The following BICDL1 variants were observed in gnomAD, a reference collection of about 807,000 sequenced individuals.
BICDL1 encodes the protein BICD family-like cargo adapter 1.
In BICDL1, 20 loss-of-function variants were observed where a neutral mutation model predicts 76.8. That is an observed-to-expected ratio of 0.26 (90% confidence interval 0.18 to 0.38). The LOEUF is 0.38. Ranked by LOEUF, BICDL1 falls within the 10% of genes least tolerant of loss-of-function variation. The pLI is 1.00. For missense variants in BICDL1, 700 were observed against 798.6 expected (o/e 0.88, Z 1.49); for synonymous variants, 383 against 337.1 (o/e 1.14, Z -1.49).
Position 120,026,061 on chromosome 12 carries a change from C to A in BICDL1, c.645+27325C>A, listed in dbSNP as rs148395205. The stretch of plus-strand genomic sequence containing the variant: ...CCATGTTGGCCAGGCTGGTCTCGAA[C>A]TCCTGGCCTCAAGCAATCCACCCAC... On this transcript the variant is annotated intron_variant, in intron 2 of 9. Coordinates refer to ENST00000548673, the MANE Select transcript of BICDL1 (RefSeq NM_001367886.1). Among the ~76,000 whole-genome samples the A allele has an allele frequency of 8.0e-3, 1,214 of 152,184 alleles. 17 individuals are homozygous for A. Among genetic ancestry groups the A allele is most frequent in the African/African-American group, 0.027 (1,108 of 41,512 alleles).
Position 120,079,467 on chromosome 12 carries a change from G to A in BICDL1, c.1453-1420G>A, listed in dbSNP as rs539598554. Among the ~76,000 whole-genome samples, 9 of 152,278 alleles carry A rather than the reference G, an allele frequency of 5.9e-5. No homozygotes were observed. The highest frequency in any genetic ancestry group is 3.9e-4 in the East Asian group (2 of 5,180). On this transcript the variant is annotated intron_variant, in intron 7 of 9. Coordinates refer to ENST00000548673, the MANE Select transcript of BICDL1 (RefSeq NM_001367886.1). This position sits in a 1 kb window ranked among gnomAD's most constrained non-coding sequence, Gnocchi z 4.3. ...TATGCTGAAAGGTGGCATTTGTCCC[G>A]TTGTGGGAGGGAGGCAGACCTGTAT...
chr12:120,056,253 A>C (rs1233131344), intron 2 of BICDL1, among the ~76,000 whole-genome samples: 1 of 152,218 alleles, frequency 6.6e-6, no homozygotes, highest in Non-Finnish European at 1.5e-5. Context: ...ACCTGAGTTT[A>C]AAATGGAAAG....
intron 2 of BICDL1, among the ~76,000 whole-genome samples, chr12:120,045,748 A>T (rs1179970052): frequency 1.6e-5 from 2 of 126,872 alleles, no homozygotes; most frequent in Non-Finnish European, 3.2e-5. Flanking sequence ...GAAGGGGAAC[A>T]TCACACTCTG....
At chr12:119,994,164 C>A (rs1951587214) in intron 1 of BICDL1, among the ~76,000 whole-genome samples, 4 of 152,114 alleles carry the variant, frequency 2.6e-5, no homozygotes. Context: ...TCTCTTCCCT[C>A]AGTTATATTT....
At chr12:120,090,129 C>T (rs1874837693) in intron 9 of BICDL1, 58 bp downstream of exon 9, 1 of 1,595,350 alleles carries the variant, frequency 6.3e-7, no homozygotes. Flanking sequence ...TCTCTGAACC[C>T]AGGCAGAGTG....
chr12:120,080,703 T>G, intron 7 of BICDL1, 184 bp from the exon 8 acceptor site: 1 of 514,308 alleles, frequency 1.9e-6, no homozygotes, highest in Non-Finnish European at 3.4e-6. Context: ...TAGCATGTGA[T>G]GTGGTACCCT....
At chr12:120,029,768 C>T (rs1035635151) in intron 2 of BICDL1, among the ~76,000 whole-genome samples, 24 of 93,356 alleles carry the variant, frequency 2.6e-4, no homozygotes, top group African/African-American at 9.6e-4. Context: ...AATTATCCTG[C>T]CTCAGCCTCC....
intron 5 of BICDL1, 104 bp from the exon 6 acceptor site, chr12:120,072,407 C>A: frequency 2.0e-6 from 2 of 1,006,232 alleles, no homozygotes; most frequent in South Asian, 1.4e-5. Flanking sequence ...TCTTCTAGAA[C>A]TGGTGTCTTG....
intron 2 of BICDL1, among the ~76,000 whole-genome samples, chr12:120,021,933 A>T (rs1952192166): frequency 6.7e-6 from 1 of 149,438 alleles, no homozygotes; most frequent in South Asian, 2.1e-4. Context: ...TAAAATAAAT[A>T]AAAAAATAAA....
chr12:120,047,181 A>G (rs1466824290), intron 2 of BICDL1, among the ~76,000 whole-genome samples: 6 of 152,292 alleles, frequency 3.9e-5, no homozygotes, highest in South Asian at 2.1e-4. Flanking sequence ...GCTTTTATAC[A>G]TGCCTTCTAT....
chr12:120,032,891 C>T (rs1049913186), intron 2 of BICDL1, among the ~76,000 whole-genome samples: 8 of 151,710 alleles, frequency 5.3e-5, no homozygotes, highest in African/African-American at 1.9e-4. Context: ...GGACTATAGG[C>T]GGGCACCACC....
chr12:120,013,439 A>AGG (rs370032828), intron 2 of BICDL1, among the ~76,000 whole-genome samples: 1 of 134,802 alleles, frequency 7.4e-6, no homozygotes, highest in African/African-American at 2.8e-5. Flanking sequence ...CTTTAACCAG[A>AGG]GTGTGTGTGT....
At chr12:120,057,760 G>C (rs1020368810) in intron 2 of BICDL1, among the ~76,000 whole-genome samples, 1 of 149,306 alleles carries the variant, frequency 6.7e-6, no homozygotes, top group Non-Finnish European at 1.5e-5. Flanking sequence ...GGCCAGTGCA[G>C]TACACACCCT....
In BICDL1 at chr12:120,092,446, C is replaced by G. The variant is rs1594229328; in HGVS notation, c.1705-554C>G. On this transcript the variant is annotated intron_variant, in intron 9 of 9. Coordinates refer to ENST00000548673, the MANE Select transcript of BICDL1 (RefSeq NM_001367886.1). ...TCAGCAGCAGGGTCTAGGGCAGCAC[C>G]CAGGGCATCCTTGCCACGTGAGGCT... 8 of 985,462 alleles carry G rather than the reference C, an allele frequency of 8.1e-6. No homozygotes were observed. The African/African-American group carries it at 1.0e-4, about 13-fold the overall frequency. The allele number at this position is 985,462 out of a possible 1,614,324, so 61.0% of individuals were successfully genotyped here.
rs1007105444 is a variant in BICDL1, at chr12:119,990,337, C to T, written c.429+40C>T. On this transcript the variant is annotated intron_variant, in intron 1 of 9. Transcript: ENST00000548673. ...CCAGGGATGGGTGGGGAGCAGGGGCCGCCCAGGCACGCGCCCGGCCCTGGG... is the reference window on the plus strand; with the variant it reads ...CCAGGGATGGGTGGGGAGCAGGGGCTGCCCAGGCACGCGCCCGGCCCTGGG... 3.9e-6 allele frequency: 6 copies of T among 1,542,838 alleles called. No homozygotes were observed. The African/African-American group carries it at 4.1e-5, about 11-fold the overall frequency.
chr12:120,023,927 A>C (rs142084932), intron 2 of BICDL1, among the ~76,000 whole-genome samples: 2 of 152,194 alleles, frequency 1.3e-5, no homozygotes, highest in Admixed American at 6.5e-5. Context: ...AGAACAGGAG[A>C]GTTCTTAGAA....
Position 120,071,627 on chromosome 12 carries a change from C to T in BICDL1, c.915C>T (p.His305=), listed in dbSNP as rs776979557. 3 of 1,605,282 alleles carry T rather than the reference C, an allele frequency of 1.9e-6. No individual in the cohort carries two copies. In the African/African-American group the frequency reaches 4.0e-5, roughly 22 times the overall value. ...ATTTGCTCTTTCTTTGAAAGCTGCA[C>T]CAAAGCCAGCTGGAGCTTCAGGAGG... is the stretch of plus-strand genomic sequence containing the variant. ...RQGHDKDLQL[H]QSQLELQEVR... Residue 305 remains histidine, a synonymous_variant, in exon 5 of 10, where the codon CAC becomes CAT. Transcript: ENST00000548673. The surrounding 1 kb of genome is among the most constrained non-coding windows in gnomAD (Gnocchi z 4.8).
chr12:120,022,036 C>T (rs908779277), intron 2 of BICDL1, among the ~76,000 whole-genome samples: 1 of 147,394 alleles, frequency 6.8e-6, no homozygotes, highest in Non-Finnish European at 1.5e-5. Flanking sequence ...AACAAAAAGA[C>T]AACCAAAAAC....
At chr12:120,005,710 C>T (rs2138641524) in intron 2 of BICDL1, among the ~76,000 whole-genome samples, 1 of 152,278 alleles carries the variant, frequency 6.6e-6, no homozygotes, top group East Asian at 1.9e-4. Flanking sequence ...TCTTAAAATT[C>T]TTTCACTTAC....
Sources: gnomAD v4.1 joint callset for allele counts (sites outside exome capture counted in the v4.1 genomes callset) on GRCh38, gnomAD v4.1.1 for gene constraint, Gnocchi (gnomAD v3.1) non-coding constraint, MANE v1.5 for transcripts, NCBI Gene and HGNC (gene_info 2026-07-23, HGNC 2026-07-21) for gene names.